Variants in RALGAPA1 observed in about 807,000 individuals in gnomAD.
The protein encoded by RALGAPA1 is ral GTPase-activating protein subunit alpha-1.
Under a neutral mutation model 269.6 loss-of-function variants are expected in RALGAPA1, and 52 were observed. The observed-to-expected ratio is 0.19, with a 90% CI of 0.15 to 0.24. The LOEUF (loss-of-function observed/expected upper bound fraction) is 0.24. Among genes scored for constraint, RALGAPA1 ranks in the 10% least tolerant of loss-of-function variants. The pLI, the probability that RALGAPA1 is intolerant of heterozygous loss-of-function variation, is 1.00. For synonymous variants in RALGAPA1, 817 were observed against 1,008.3 expected (o/e 0.81, Z 3.60); for missense variants, 1,917 against 3,013.9 (o/e 0.64, Z 8.52).
intron 41 of RALGAPA1, among the ~76,000 whole-genome samples, chr14:35,547,508 T>C (rs1280276417): frequency 6.6e-6 from 1 of 152,170 alleles, no homozygotes; most frequent in Non-Finnish European, 1.5e-5. Context: ...TATTTTTCAC[T>C]TGTGAAATTT....
At chr14:35,639,918 G>A (rs576923203) in intron 31 of RALGAPA1, among the ~76,000 whole-genome samples, 5 of 150,386 alleles carry the variant, frequency 3.3e-5, no homozygotes, top group African/African-American at 7.4e-5. Flanking sequence ...CAGCCTGGGC[G>A]AGAGGCTGAG....
At position 35,595,696 on chromosome 14, in the gene RALGAPA1, C is replaced by T; in HGVS notation, c.7147G>A (p.Glu2383Lys). The change falls in exon 37 of 42, where the codon GAG becomes AAG. Residue 2383 changes from glutamate to lysine, a missense_variant. This residue lies in a region of RALGAPA1 where 132 missense variants were observed against 271.2 expected (regional missense o/e 0.49). Transcript: ENST00000680220. ...TTPYFATSTV[E>K]VIFHVSTRMP... ...CTTGTTGACACGTGAAATATTACCT[C>T]TACTGTAGAGGTAGCAAAATATGGA... 6.2e-7 allele frequency: 1 copy of T among 1,612,870 alleles called. No homozygotes were observed. The highest frequency in any genetic ancestry group is 8.5e-7 in the Non-Finnish European group (1 of 1,179,160).
chr14:35,805,393 G>A (rs752705190), intron 1 of RALGAPA1, among the ~76,000 whole-genome samples: 1 of 149,448 alleles, frequency 6.7e-6, no homozygotes, highest in Non-Finnish European at 1.5e-5. Flanking sequence ...AGTGAGCCGA[G>A]ATCGCGCCAC....
intron 4 of RALGAPA1, among the ~76,000 whole-genome samples, chr14:35,770,341 T>C (rs904243172): frequency 6.6e-6 from 1 of 152,166 alleles, no homozygotes; most frequent in Non-Finnish European, 1.5e-5. Flanking sequence ...CCATTATCTT[T>C]CTCCCTGAAA....
chr14:35,695,230 C>G (rs1396985828), intron 17 of RALGAPA1, among the ~76,000 whole-genome samples: 1 of 151,322 alleles, frequency 6.6e-6, no homozygotes, highest in Non-Finnish European at 1.5e-5. Context: ...GAGACCCTAT[C>G]TCTTAAAAAA....
intron 1 of RALGAPA1, among the ~76,000 whole-genome samples, chr14:35,801,006 G>A (rs2141915921): frequency 6.6e-6 from 1 of 150,376 alleles, no homozygotes; most frequent in East Asian, 2.0e-4. Flanking sequence ...TCTGTCTCCT[G>A]CGTCCCGCCT....
intron 4 of RALGAPA1, among the ~76,000 whole-genome samples, chr14:35,767,930 A>G (rs2074285733): frequency 6.6e-6 from 1 of 152,086 alleles, no homozygotes; most frequent in Non-Finnish European, 1.5e-5. Flanking sequence ...AGGAGTCATC[A>G]CGTCTGGATA....
chr14:35,747,229 C>T (rs1416380061), intron 10 of RALGAPA1, among the ~76,000 whole-genome samples: 2 of 152,112 alleles, frequency 1.3e-5, no homozygotes, highest in African/African-American at 4.8e-5. Context: ...ATAAATGCTT[C>T]AGAGGTTAAA....
chr14:35,799,835 T>G (rs2076848204), intron 1 of RALGAPA1, among the ~76,000 whole-genome samples: 1 of 152,148 alleles, frequency 6.6e-6, no homozygotes, highest in Non-Finnish European at 1.5e-5. Context: ...CCCAACCATA[T>G]GCTGCCAACA....
intron 1 of RALGAPA1, among the ~76,000 whole-genome samples, chr14:35,792,882 GA>G (rs11339118): frequency 0.35 from 41,018 of 117,278 alleles, 9,111 homozygotes; most frequent in African/African-American, 0.65. Flanking sequence ...TTCAAGAGGG[GA>G]AAAAAAAAAA....
At chr14:35,668,163 A>G (rs1316263375) in intron 26 of RALGAPA1, among the ~76,000 whole-genome samples, 3 of 152,116 alleles carry the variant, frequency 2.0e-5, no homozygotes, top group Admixed American at 6.6e-5. Context: ...GGAGGAAAGA[A>G]GGGGGAAAAA....
At chr14:35,567,902 C>T (rs191406816) in intron 39 of RALGAPA1, among the ~76,000 whole-genome samples, 1 of 152,170 alleles carries the variant, frequency 6.6e-6, no homozygotes, top group Non-Finnish European at 1.5e-5. Context: ...ATATCTACCT[C>T]TATGCTCCAC....
chr14:35,700,369 G>T, intron 16 of RALGAPA1, 67 bp from the exon 17 acceptor site: 1 of 1,282,158 alleles, frequency 7.8e-7, no homozygotes, highest in Non-Finnish European at 1.0e-6. Context: ...AAAGGCTCGT[G>T]TCACAGAAAA....
At chr14:35,629,869 G>C (rs1354822017) in intron 33 of RALGAPA1, among the ~76,000 whole-genome samples, 1 of 151,948 alleles carries the variant, frequency 6.6e-6, no homozygotes, top group Non-Finnish European at 1.5e-5. Context: ...ATGACTTTTG[G>C]TAATTATATA....
At chr14:35,778,331 T>A (rs1007693697) in intron 1 of RALGAPA1, among the ~76,000 whole-genome samples, 9 of 152,230 alleles carry the variant, frequency 5.9e-5, no homozygotes, top group African/African-American at 2.2e-4. Flanking sequence ...TTACAGGCGA[T>A]AGCCACAACA....
At position 35,700,293 on chromosome 14, in the gene RALGAPA1, C is replaced by A; in HGVS notation, c.2276G>T (p.Ser759Ile). The A allele has an allele frequency of 6.6e-7, 1 of 1,508,980 alleles. No homozygotes were observed. Among genetic ancestry groups the A allele is most frequent in the South Asian group, 1.3e-5 (1 of 78,534 alleles). 93.5% of individuals were successfully genotyped at this position (1,508,980 alleles called of 1,614,324 possible). Residue 759 changes from serine to isoleucine, a missense_variant, in exon 17 of 42, where the codon AGC becomes ATC. By Grantham distance (142) the Ser-to-Ile change is moderately radical. Transcript: ENST00000680220. Reference sequence around the variant, plus strand: ...CAGAGCACATTCACCAATGGATCGGCTTCTCATGGCTTTAAAAAAGGAAAA... The same window carrying A: ...CAGAGCACATTCACCAATGGATCGGATTCTCATGGCTTTAAAAAAGGAAAA... Reference protein sequence around the residue: ...IVRQKTVAMRSRSIGECALPS... With the variant: ...IVRQKTVAMRIRSIGECALPS...
At chr14:35,548,875 T>C (rs2054699831) in intron 40 of RALGAPA1, among the ~76,000 whole-genome samples, 1 of 152,146 alleles carries the variant, frequency 6.6e-6, no homozygotes, top group Non-Finnish European at 1.5e-5. Context: ...CATTGAATAT[T>C]AGCTCATATA....
intron 3 of RALGAPA1, among the ~76,000 whole-genome samples, chr14:35,772,064 T>A (rs927270399): frequency 6.6e-6 from 1 of 152,164 alleles, no homozygotes; most frequent in African/African-American, 2.4e-5. Flanking sequence ...GAGCAAATTT[T>A]TTTTTTAAGA....
intron 5 of RALGAPA1, among the ~76,000 whole-genome samples, chr14:35,762,402 C>CGT (rs2073794651): frequency 6.6e-6 from 1 of 152,122 alleles, no homozygotes; most frequent in African/African-American, 2.4e-5. Flanking sequence ...AGTACAGGCA[C>CGT]GTGCCACCAC....
Sources: gnomAD v4.1 joint callset for allele counts (sites outside exome capture counted in the v4.1 genomes callset) on GRCh38, gnomAD v4.1.1 for gene constraint, gnomAD v4.1.1 regional missense constraint, MANE v1.5 for transcripts, NCBI Gene and HGNC (gene_info 2026-07-23, HGNC 2026-07-21) for gene names.